Variants in CNBD1 observed in about 807,000 individuals in gnomAD.
The protein encoded by CNBD1 is cyclic nucleotide-binding domain-containing protein 1.
CNBD1 carries 71 observed loss-of-function variants against 54.4 expected under a neutral mutation model. The observed-to-expected ratio is 1.30, with a 90% CI of 1.08 to 1.59. The LOEUF (loss-of-function observed/expected upper bound fraction) is 1.59, where lower values mean the gene tolerates loss of function less well. CNBD1 is among the 40% of genes most tolerant of loss of function. CNBD1 has a pLI of 0.00. For synonymous variants in CNBD1, 182 were observed against 170.7 expected (o/e 1.07, Z -0.51); for missense variants, 659 against 518.0 (o/e 1.27, Z -2.64).
intron 4 of CNBD1, among the ~76,000 whole-genome samples, chr8:87,004,528 A>T (rs1809056533): frequency 6.6e-6 from 1 of 151,956 alleles, no homozygotes; most frequent in Admixed American, 6.6e-5. Flanking sequence ...TATTTTTGCA[A>T]ATTAGTATTT....
At chr8:87,280,366 T>C (rs889640419) in intron 6 of CNBD1, among the ~76,000 whole-genome samples, 7 of 151,536 alleles carry the variant, frequency 4.6e-5, no homozygotes, top group African/African-American at 1.7e-4. Context: ...TTAAAGCTAA[T>C]AGAAACTCAT....
rs1161536775 is a variant in CNBD1, at chr8:86,905,088, A to T, written c.166A>T (p.Met56Leu). The change falls in exon 3 of 11, where the codon ATG becomes TTG. Residue 56 changes from methionine (M) to leucine (L), a missense_variant. Physicochemically the swap from Met to Leu is conservative, Grantham distance 15 (BLOSUM62 2). Coordinates refer to ENST00000518476, the MANE Select transcript of CNBD1 (RefSeq NM_173538.3). ...CHIRGQHSRS[M>L]SNILSAHDTF... Reference sequence around the variant, plus strand: ...TTCTCTCTTCTTTTTAAGCCGGAGTATGAGCAATATCTTATCAGCTCACGA... The same window carrying T: ...TTCTCTCTTCTTTTTAAGCCGGAGTTTGAGCAATATCTTATCAGCTCACGA... 1.8e-5 allele frequency: 29 copies of T among 1,598,950 alleles called. No homozygotes were observed. Among genetic ancestry groups the T allele is most frequent in the Non-Finnish European group, 2.3e-5 (27 of 1,168,262 alleles).
At chr8:87,387,480 A>T (rs1215165734), downstream of CNBD1, among the ~76,000 whole-genome samples, 1 of 152,180 alleles carries the variant, frequency 6.6e-6, no homozygotes, top group Non-Finnish European at 1.5e-5. Context: ...AACAGACTTT[A>T]AACCAACAAA....
chr8:87,382,070 CTA>C (rs1162448169), intron 10 of CNBD1, among the ~76,000 whole-genome samples: 2 of 151,360 alleles, frequency 1.3e-5, no homozygotes, highest in Non-Finnish European at 3.0e-5. Flanking sequence ...GAGAGCCAGT[CTA>C]TATTAAAAAA....
At chr8:87,337,582 A>T (rs1269498870) in intron 8 of CNBD1, among the ~76,000 whole-genome samples, 1 of 152,262 alleles carries the variant, frequency 6.6e-6, no homozygotes, top group African/African-American at 2.4e-5. Context: ...CATGGTGGTG[A>T]CCCAAGGCCC....
In CNBD1 at chr8:87,422,865, A is replaced by C. The variant is rs964805916; in HGVS notation, c.214-5681A>C. 1.2e-4 allele frequency among the ~76,000 whole-genome samples: 19 copies of C among 152,260 alleles called. No individual in the cohort carries two copies. The South Asian group carries it at 2.1e-3, about 17-fold the overall frequency. ...ATTGAATCTGTAAATTACCTTGGGC[A>C]GTATGGCCATTTTCACGATACTGAT... On this transcript the variant is annotated intron_variant, in intron 2 of 7. Transcript: ENST00000521593.
In CNBD1 at chr8:87,236,956, C is replaced by A; in HGVS notation, c.615C>A (p.Gly205=). Residue 205 remains glycine (G), a synonymous_variant, in exon 6 of 11, where the codon GGC becomes GGA. Transcript: ENST00000518476. The part of the protein sequence containing the change: ...ANDGFYVILK[G]LARPQTNVYK... Reference sequence around the variant, plus strand: ...ATGGATTTTATGTAATACTGAAAGGCCTAGCTCGACCTCAAACAAACGTGT... The same window carrying A: ...ATGGATTTTATGTAATACTGAAAGGACTAGCTCGACCTCAAACAAACGTGT... The A allele has an allele frequency of 6.2e-7, 1 of 1,610,234 alleles. No individual in the cohort carries two copies. The highest frequency in any genetic ancestry group is 8.5e-7 in the Non-Finnish European group (1 of 1,177,804).
intron 4 of CNBD1, among the ~76,000 whole-genome samples, chr8:87,137,965 A>G (rs1441672980): frequency 6.6e-6 from 1 of 151,450 alleles, no homozygotes; most frequent in Non-Finnish European, 1.5e-5. Context: ...CTTGGGGGGA[A>G]AAAAGGAGAA....
chr8:87,396,804 C>T (rs1487121797), intron 2 of CNBD1, among the ~76,000 whole-genome samples: 1 of 151,340 alleles, frequency 6.6e-6, no homozygotes, highest in Non-Finnish European at 1.5e-5. Context: ...CAAATACCAC[C>T]CCCTCGCTTA....
intron 8 of CNBD1, among the ~76,000 whole-genome samples, chr8:87,333,905 C>T (rs1282277745): frequency 2.0e-5 from 3 of 152,198 alleles, no homozygotes. Context: ...GGAGGAGTCC[C>T]TCCTTTTCAA....
chr8:87,244,453 T>C (rs1404431270), intron 6 of CNBD1, among the ~76,000 whole-genome samples: 1 of 152,180 alleles, frequency 6.6e-6, no homozygotes, highest in African/African-American at 2.4e-5. Flanking sequence ...AGTATATAAT[T>C]GAGAGTGATC....
At chr8:87,150,563 C>A (rs183524681) in intron 4 of CNBD1, among the ~76,000 whole-genome samples, 1 of 152,244 alleles carries the variant, frequency 6.6e-6, no homozygotes, top group Non-Finnish European at 1.5e-5. Flanking sequence ...TAGAATGAAA[C>A]AGGCAAGGAA....
chr8:87,223,997 G>A (rs1213483843), intron 5 of CNBD1, among the ~76,000 whole-genome samples: 6 of 151,598 alleles, frequency 4.0e-5, no homozygotes, highest in South Asian at 2.1e-4. Flanking sequence ...GGCCAGTGAC[G>A]GTGAGCATTT....
chr8:87,217,542 G>A (rs74742800), intron 5 of CNBD1, among the ~76,000 whole-genome samples: 1 of 149,732 alleles, frequency 6.7e-6, no homozygotes, highest in Non-Finnish European at 1.5e-5. Context: ...ACAATTATTG[G>A]TGAATTTTAA....
intron 10 of CNBD1, among the ~76,000 whole-genome samples, chr8:87,379,241 G>A (rs1007788075): frequency 1.3e-5 from 2 of 151,876 alleles, no homozygotes; most frequent in Non-Finnish European, 2.9e-5. Flanking sequence ...AAAGTCCTGA[G>A]TGACCTACAA....
chr8:87,378,647 G>A (rs1336331847), intron 10 of CNBD1, among the ~76,000 whole-genome samples: 16 of 149,162 alleles, frequency 1.1e-4, no homozygotes, highest in Non-Finnish European at 1.8e-4. Context: ...GCTCTTTTTT[G>A]GTTCCATATG....
chr8:87,321,880 G>T (rs1184334231), intron 8 of CNBD1, among the ~76,000 whole-genome samples: 1 of 147,296 alleles, frequency 6.8e-6, no homozygotes, highest in Non-Finnish European at 1.5e-5. Flanking sequence ...GTATACATGT[G>T]CCATGCTGGT....
intron 2 of CNBD1, among the ~76,000 whole-genome samples, chr8:87,422,134 C>A (rs1232170988): frequency 1.4e-5 from 2 of 146,174 alleles, no homozygotes; most frequent in Non-Finnish European, 3.0e-5. Flanking sequence ...TTGTTTTTTT[C>A]TTGTAAATTT....
chr8:87,410,243 T>A lies in CNBD1; in HGVS notation c.214-18303T>A, dbSNP rs116964963. On this transcript the variant is annotated intron_variant, in intron 2 of 7. Coordinates refer to the CNBD1 transcript ENST00000521593. ...GCCTGCTACCACAACATTTATTCTA[T>A]AGCCCAAGGATTGAAAAGTAATTTC... Among the ~76,000 whole-genome samples the A allele has an allele frequency of 2.0e-3, 297 of 152,264 alleles. 3 individuals are homozygous for A. In the East Asian group the frequency reaches 0.05, roughly 25 times the overall value.
Sources: allele counts gnomAD v4.1 joint callset (sites outside exome capture counted in the v4.1 genomes callset), GRCh38; gene constraint gnomAD v4.1.1; transcripts MANE v1.5; gene names NCBI Gene and HGNC (gene_info 2026-07-23, HGNC 2026-07-21).